The following PTPRM variants were observed in gnomAD, a reference collection of about 807,000 sequenced individuals.
PTPRM encodes receptor-type tyrosine-protein phosphatase mu.
PTPRM carries 47 observed loss-of-function variants against 186.7 expected under a neutral mutation model. The ratio of observed to expected loss-of-function variants is 0.25; its 90% CI spans 0.20 to 0.32. The LOEUF (loss-of-function observed/expected upper bound fraction) is 0.32. Ranked by LOEUF, PTPRM falls within the 10% of genes least tolerant of loss-of-function variation. PTPRM has a pLI of 1.00. For missense variants in PTPRM, 1,494 were observed against 1,865.0 expected, an observed-to-expected ratio of 0.80 and a Z score of 3.66; for synonymous variants, 668 against 674.9, an observed-to-expected ratio of 0.99 and a Z score of 0.16.
At chr18:8,090,925 C>T (rs1012444845) in intron 11 of PTPRM, among the ~76,000 whole-genome samples, 9 of 152,098 alleles carry the variant, frequency 5.9e-5, no homozygotes, top group African/African-American at 1.7e-4. Flanking sequence ...TTGCTCTTTG[C>T]GCAATATACC....
intron 6 of PTPRM, among the ~76,000 whole-genome samples, chr18:7,953,858 A>C (rs972141570): frequency 1.3e-5 from 2 of 152,212 alleles, no homozygotes; most frequent in South Asian, 4.1e-4. Flanking sequence ...AAATTTCAGC[A>C]AGCAAGCCAG....
chr18:8,229,537 TCA>T (rs1229689453), intron 14 of PTPRM, among the ~76,000 whole-genome samples: 1 of 152,190 alleles, frequency 6.6e-6, no homozygotes, highest in Admixed American at 6.5e-5. Context: ...ATTTTTTATC[TCA>T]CATGTTGGTT....
chr18:8,130,071 C>G (rs1280319684), intron 13 of PTPRM, among the ~76,000 whole-genome samples: 1 of 152,162 alleles, frequency 6.6e-6, no homozygotes, highest in Non-Finnish European at 1.5e-5. Context: ...AAAATATCAC[C>G]TACCTCCCCA....
chr18:8,068,623 A>G (rs1038108665), intron 7 of PTPRM, among the ~76,000 whole-genome samples: 1 of 152,212 alleles, frequency 6.6e-6, no homozygotes, highest in Non-Finnish European at 1.5e-5. Flanking sequence ...GGCAAGAATT[A>G]CTTTAGCATT....
rs775106193 is a variant in PTPRM, at chr18:8,252,439, G to C, written c.2555-49G>C. ...CACGCAGTACTATTGCTTATGCCCTGTTTCCTTTTTCTCCTCCTTTTTTCT... is the reference window on the plus strand; with the variant it reads ...CACGCAGTACTATTGCTTATGCCCTCTTTCCTTTTTCTCCTCCTTTTTTCT... On this transcript the variant is annotated intron_variant, in intron 17 of 32. Transcript: ENST00000580170. 3 of 1,468,524 alleles carry C rather than the reference G, an allele frequency of 2.0e-6. No homozygotes were observed. The Admixed American group carries it at 5.0e-5, about 25-fold the overall frequency. The allele number at this position is 1,468,524 out of a possible 1,614,324, so 91.0% of individuals were successfully genotyped here.
intron 19 of PTPRM, among the ~76,000 whole-genome samples, chr18:8,279,113 A>G (rs2094871923): frequency 6.6e-6 from 1 of 151,876 alleles, no homozygotes. Flanking sequence ...ACAAAAAAAA[A>G]CTCTTTAGGA....
intron 1 of PTPRM, among the ~76,000 whole-genome samples, chr18:7,676,842 G>A (rs879684572): frequency 3.3e-5 from 5 of 152,164 alleles, no homozygotes; most frequent in Admixed American, 6.6e-5. Flanking sequence ...TAAGTTCTGT[G>A]AATATGAAAA....
At chr18:8,064,599 T>A (rs1449598307) in intron 7 of PTPRM, among the ~76,000 whole-genome samples, 1 of 152,198 alleles carries the variant, frequency 6.6e-6, no homozygotes, top group African/African-American at 2.4e-5. Flanking sequence ...TTTATATAAT[T>A]TTTAGGATAA....
chr18:8,310,181 T>G (rs1205897531), intron 20 of PTPRM, among the ~76,000 whole-genome samples: 1 of 152,018 alleles, frequency 6.6e-6, no homozygotes, highest in Non-Finnish European at 1.5e-5. Flanking sequence ...TCCTACCACC[T>G]AAATACCCCT....
At chr18:8,211,954 G>T (rs764688898) in intron 14 of PTPRM, among the ~76,000 whole-genome samples, 2 of 152,132 alleles carry the variant, frequency 1.3e-5, no homozygotes, top group Non-Finnish European at 2.9e-5. Flanking sequence ...TCGGTGCAGG[G>T]CTGTGACCAG....
intron 1 of PTPRM, among the ~76,000 whole-genome samples, chr18:7,674,505 A>T (rs753679844): frequency 3.3e-5 from 5 of 151,980 alleles, no homozygotes; most frequent in Non-Finnish European, 5.9e-5. Flanking sequence ...AGAGGAGAGG[A>T]GTGAATTTGC....
At chr18:8,349,175 G>A (rs1352503677) in intron 23 of PTPRM, among the ~76,000 whole-genome samples, 1 of 152,152 alleles carries the variant, frequency 6.6e-6, no homozygotes, top group Non-Finnish European at 1.5e-5. Flanking sequence ...ATCTTCTTTT[G>A]TGCAACAGCC....
intron 32 of PTPRM, chr18:8,404,787 G>A (rs1005548755): frequency 2.6e-5 from 4 of 152,240 alleles, no homozygotes; most frequent in Non-Finnish European, 4.4e-5. Context: ...CTCTGTCCAG[G>A]GCCGGGCTCC....
chr18:7,591,001 G>T (rs559324685), intron 1 of PTPRM, among the ~76,000 whole-genome samples: 4 of 152,344 alleles, frequency 2.6e-5, no homozygotes, highest in Non-Finnish European at 5.9e-5. Flanking sequence ...TGATGATTTT[G>T]TGAGTATGTA....
At chr18:8,291,965 C>T (rs988958789) in intron 19 of PTPRM, among the ~76,000 whole-genome samples, 58 of 152,092 alleles carry the variant, frequency 3.8e-4, no homozygotes, top group African/African-American at 1.4e-3. Context: ...TGCAGCTGCA[C>T]ATCTGTGGCA....
At chr18:7,852,209 TA>T (rs1238160589) in intron 2 of PTPRM, among the ~76,000 whole-genome samples, 2 of 152,080 alleles carry the variant, frequency 1.3e-5, no homozygotes, top group Admixed American at 1.3e-4. Flanking sequence ...TTAGATCAGA[TA>T]AAAAAGGATA....
chr18:8,201,044 G>T (rs116880251), intron 14 of PTPRM, among the ~76,000 whole-genome samples: 12,159 of 152,222 alleles, frequency 0.08, 630 homozygotes, highest in Middle Eastern at 0.32. Flanking sequence ...GGCCAGGCAC[G>T]ATGGCTCCCG....
chr18:7,746,242 A>AG lies in PTPRM; in HGVS notation c.74-27906dup, dbSNP rs369582383. ...ACAAAGAGAAAATGCTAGAACAGCC[A>AG]GAAAAAAAAGACATGTAATCTTCAA... On this transcript the variant is annotated intron_variant, in intron 1 of 32. Transcript: ENST00000580170. Among the ~76,000 whole-genome samples, 59 of 99,386 alleles carry AG rather than the reference A, an allele frequency of 5.9e-4. 2 individuals are homozygous for AG. In the East Asian group the frequency reaches 0.29, roughly 490 times the overall value. The allele number at this position is 99,386 out of a possible 152,430, so 65.2% of individuals were successfully genotyped here. A position where few individuals can be genotyped will look rare whatever the true frequency, so the allele number is the denominator to read the frequency against.
intron 1 of PTPRM, among the ~76,000 whole-genome samples, chr18:7,709,750 A>C (rs934429468): frequency 2.0e-5 from 3 of 152,192 alleles, no homozygotes; most frequent in African/African-American, 7.2e-5. Context: ...AATGCAAAAG[A>C]TCATTCAAGG....
Sources: gnomAD v4.1 joint callset for allele counts (sites outside exome capture counted in the v4.1 genomes callset) on GRCh38, gnomAD v4.1.1 for gene constraint, MANE v1.5 for transcripts, NCBI Gene and HGNC (gene_info 2026-07-23, HGNC 2026-07-21) for gene names.